TAT: variants seen among roughly 807,000 people sequenced by gnomAD.
The protein encoded by TAT is L-tyrosine:2-oxoglutarate aminotransferase.
Under a neutral mutation model 53.6 loss-of-function variants are expected in TAT, and 35 were observed. The ratio of observed to expected loss-of-function variants is 0.65; its 90% CI spans 0.50 to 0.87. The LOEUF is 0.87. TAT is among the 40% of genes least tolerant of loss of function. The pLI, the probability that TAT is intolerant of heterozygous loss-of-function variation, is 0.00. For missense variants in TAT, 525 were observed against 571.8 expected (o/e 0.92, Z 0.83); for synonymous variants, 197 against 206.5 (o/e 0.95, Z 0.39).
Position 71,572,196 on chromosome 16 carries a change from C to A in TAT, c.696G>T (p.Lys232Asn). ...GSVFSKRHLQ[K>N]ILAVAARQCV... ...GTCTGCTGGACGTACCTGCCAGAAT[C>A]TTCTGAAGATGACGTTTGCTGAACA... Residue 232 changes from lysine to asparagine, a missense_variant, in exon 6 of 12, where the codon AAG (lysine) becomes AAT (asparagine). Lys to Asn is a moderately conservative substitution (Grantham distance 94). Transcript: ENST00000355962. 2 of 1,614,180 alleles carry A rather than the reference C, an allele frequency of 1.2e-6. No individual in the cohort carries two copies. Among genetic ancestry groups the A allele is most frequent in the Non-Finnish European group, 1.7e-6 (2 of 1,180,006 alleles).
rs1567589696 is a variant in TAT at position 71,567,766 on chromosome 16, TG to T, written c.*377del. On this transcript the variant is annotated 3_prime_UTR_variant, in exon 12 of 12. Coordinates refer to ENST00000355962, the MANE Select transcript of TAT (RefSeq NM_000353.3). Reference sequence around the variant, plus strand: ...CTTTCTTAGAGTCTGAGGAAATGGTTGGGGGCACAAATTCTCTCAATCTTTT... The same window carrying T: ...CTTTCTTAGAGTCTGAGGAAATGGTTGGGGCACAAATTCTCTCAATCTTTT... The T allele has an allele frequency of 6.4e-6, 2 of 314,920 alleles. No individual in the cohort carries two copies. The highest frequency in any genetic ancestry group is 1.2e-5 in the Non-Finnish European group (2 of 162,510). The allele number at this position is 314,920 out of a possible 1,614,324, so 19.5% of individuals were successfully genotyped here.
In TAT at chr16:71,572,130, C is replaced by CA; in HGVS notation, c.706+55dup. ...AATGACTGGTTTTTGTCATTTCACA[C>CA]AACAGCTGAAGGATTCTGTCCCCAC... On this transcript the variant is annotated intron_variant, in intron 6 of 11. Coordinates refer to ENST00000355962, the MANE Select transcript of TAT (RefSeq NM_000353.3). 9.9e-6 allele frequency: 16 copies of CA among 1,612,776 alleles called. 1 individual carries two copies. The South Asian group carries it at 1.8e-4, about 18-fold the overall frequency.
At chr16:71,573,487 G>C in intron 4 of TAT, 52 bp downstream of exon 4, 1 of 1,476,272 alleles carries the variant, frequency 6.8e-7, no homozygotes, top group East Asian at 2.5e-5. Context: ...CAAGTAAAAA[G>C]GGATAGTTTG....
In TAT at chr16:71,569,864, A is replaced by G. The variant is rs2044188199; in HGVS notation, c.1115T>C (p.Met372Thr). ...GLRPVRPSGA[M>T]YLMVGIEMEH... ...CACCCACATACTCACCATGAGGTAC[A>G]TAGCCCCAGAAGGGCGGACTGGCCG... The change falls in exon 10 of 12, where the codon ATG (methionine) becomes ACG (threonine). Residue 372 changes from methionine to threonine, a missense_variant. Physicochemically the swap from Met to Thr is moderately conservative, Grantham distance 81. Transcript: ENST00000355962. 4 of 1,613,838 alleles carry G rather than the reference A, an allele frequency of 2.5e-6. No individual in the cohort carries two copies. Among genetic ancestry groups the G allele is most frequent in the Non-Finnish European group, 3.4e-6 (4 of 1,179,916 alleles).
rs778438405 is a variant in TAT, at chr16:71,570,750, G to A, written c.841C>T (p.Arg281Cys). Residue 281 changes from arginine to cysteine, a missense_variant, in exon 8 of 12, where the codon CGC (arginine) becomes TGC (cysteine). Transcript: ENST00000355962. The part of the protein sequence containing the change: ...PILSCGGLAK[R>C]WLVPGWRLGW... ...AACCTCCAGCCAGGAACCAGCCAGC[G>A]CTTGGCCAGCCCTCCACAGGACAGG... The A allele has an allele frequency of 3.3e-5, 53 of 1,614,092 alleles. No individual in the cohort carries two copies. The highest frequency in any genetic ancestry group is 2.4e-4 in the East Asian group (11 of 44,900).
Position 71,576,402 on chromosome 16 carries a change from A to T in TAT, c.14T>A (p.Met5Lys). Residue 5 changes from methionine to lysine, a missense_variant, in exon 2 of 12, where the codon ATG (methionine) becomes AAG (lysine). By Grantham distance (95) the Met-to-Lys change is moderately conservative. Coordinates refer to ENST00000355962, the MANE Select transcript of TAT (RefSeq NM_000353.3). ...GTTGCCTTTGCTGCTCATCTGAATC[A>T]TGTATGGGTCCATCACTAGCGAAGC... MDPY[M>K]IQMSSKGNLP... The T allele has an allele frequency of 1.9e-6, 3 of 1,614,168 alleles. No individual in the cohort carries two copies. Among genetic ancestry groups the T allele is most frequent in the Non-Finnish European group, 2.5e-6 (3 of 1,180,028 alleles).
In TAT at chr16:71,575,965, A is replaced by T; in HGVS notation, c.297T>A (p.Asp99Glu). Residue 99 changes from aspartate (D) to glutamate (E), a missense_variant, in exon 3 of 12, where the codon GAT becomes GAA. By Grantham distance (45) the Asp-to-Glu change is conservative. Coordinates refer to ENST00000355962, the MANE Select transcript of TAT (RefSeq NM_000353.3). Reference protein sequence around the residue: ...TDPEVTQAMKDALDSGKYNGY... With the variant: ...TDPEVTQAMKEALDSGKYNGY... ...CATTATATTTGCCCGAGTCCAGGGC[A>T]TCTTTCATTGCCTGGGTAACTTCAG... 6.2e-7 allele frequency: 1 copy of T among 1,614,200 alleles called. No individual in the cohort carries two copies.
At chr16:71,573,185 A>C (rs1422261384) in intron 4 of TAT, among the ~76,000 whole-genome samples, 1 of 152,190 alleles carries the variant, frequency 6.6e-6, no homozygotes, top group African/African-American at 2.4e-5. Flanking sequence ...ATTTTTTTTA[A>C]AAAAGAAAGA....
In TAT at chr16:71,573,596, G is replaced by A. The variant is rs977686877; in HGVS notation, c.351C>T (p.Ser117=). The change falls in exon 4 of 12, where the codon TCC becomes TCT. Residue 117 remains serine (S), a synonymous_variant. Coordinates refer to ENST00000355962, the MANE Select transcript of TAT (RefSeq NM_000353.3). ...NGYAPSIGFL[S]SREEIASYYH... ...AATAAGAAGCAATCTCCTCCCGACT[G>A]GATAGGAAGCCTGAAAGAAAAGAGT... 5 of 1,553,704 alleles carry A rather than the reference G, an allele frequency of 3.2e-6. No homozygotes were observed. Among genetic ancestry groups the A allele is most frequent in the Non-Finnish European group, 4.4e-6 (5 of 1,148,012 alleles).
chr16:71,568,092 C>G lies in TAT; in HGVS notation c.*52G>C. Reference sequence around the variant, plus strand: ...CTGAGTCCCTGAGGAGCCGCAAGGCCTAGTCCAGCCTTCCCTAGATGGGAC... The same window carrying G: ...CTGAGTCCCTGAGGAGCCGCAAGGCGTAGTCCAGCCTTCCCTAGATGGGAC... On this transcript the variant is annotated 3_prime_UTR_variant, in exon 12 of 12. Transcript: ENST00000355962. 1.2e-6 allele frequency: 2 copies of G among 1,612,588 alleles called. No homozygotes were observed. Among genetic ancestry groups the G allele is most frequent in the Non-Finnish European group, 1.7e-6 (2 of 1,178,770 alleles).
Position 71,575,982 on chromosome 16 carries a change from T to C in TAT, c.280A>G (p.Thr94Ala). Reference sequence around the variant, plus strand: ...TCCAGGGCATCTTTCATTGCCTGGGTAACTTCAGGGTCTGTAGGCAGGTTT... The same window carrying C: ...TCCAGGGCATCTTTCATTGCCTGGGCAACTTCAGGGTCTGTAGGCAGGTTT... Reference protein sequence around the residue: ...FGNLPTDPEVTQAMKDALDSG... With the variant: ...FGNLPTDPEVAQAMKDALDSG... Residue 94 changes from threonine to alanine, a missense_variant, in exon 3 of 12, where the codon ACC (threonine) becomes GCC (alanine). By Grantham distance (58) the Thr-to-Ala change is moderately conservative. Coordinates refer to ENST00000355962, the MANE Select transcript of TAT (RefSeq NM_000353.3). 6.2e-7 allele frequency: 1 copy of C among 1,614,186 alleles called. No homozygotes were observed. Among genetic ancestry groups the C allele is most frequent in the Non-Finnish European group, 8.5e-7 (1 of 1,180,042 alleles).
rs1368382321 is a variant in TAT, at chr16:71,566,632, G to T, written c.*1512C>A. 6.6e-6 allele frequency: 1 copy of T among 152,096 alleles called. No homozygotes were observed. Among genetic ancestry groups the T allele is most frequent in the Non-Finnish European group, 1.5e-5 (1 of 68,030 alleles). 9.4% of individuals were successfully genotyped at this position (152,096 alleles called of 1,614,324 possible). ...GAAAGTTGAAAATGTAAAGACAAAGGCCAGAGGTTATAACTTACTGCCTCT... is the reference window on the plus strand; with the variant it reads ...GAAAGTTGAAAATGTAAAGACAAAGTCCAGAGGTTATAACTTACTGCCTCT... On this transcript the variant is annotated 3_prime_UTR_variant, in exon 12 of 12. Coordinates refer to ENST00000355962, the MANE Select transcript of TAT (RefSeq NM_000353.3).
intron 3 of TAT, among the ~76,000 whole-genome samples, chr16:71,574,581 CAAA>C (rs71389677): frequency 2.5e-5 from 2 of 79,806 alleles, no homozygotes; most frequent in East Asian, 5.0e-4. Flanking sequence ...AACTTCGTCT[CAAA>C]AAAAAAAAAA....
At chr16:71,573,947 G>T (rs1363981095) in intron 3 of TAT, among the ~76,000 whole-genome samples, 1 of 152,068 alleles carries the variant, frequency 6.6e-6, no homozygotes, top group Non-Finnish European at 1.5e-5. Context: ...TCCTGAAAGT[G>T]CTGGGATTAC....
At position 71,572,197 on chromosome 16, in the gene TAT, T is replaced by C. The variant is rs1053984003; in HGVS notation, c.695A>G (p.Lys232Arg). Reference sequence around the variant, plus strand: ...TCTGCTGGACGTACCTGCCAGAATCTTCTGAAGATGACGTTTGCTGAACAC... The same window carrying C: ...TCTGCTGGACGTACCTGCCAGAATCCTCTGAAGATGACGTTTGCTGAACAC... Reference protein sequence around the residue: ...GSVFSKRHLQKILAVAARQCV... With the variant: ...GSVFSKRHLQRILAVAARQCV... The change falls in exon 6 of 12, where the codon AAG becomes AGG. Residue 232 changes from lysine (K) to arginine (R), a missense_variant. By Grantham distance (26) the Lys-to-Arg change is conservative (BLOSUM62 2). Transcript: ENST00000355962. 6.2e-7 allele frequency: 1 copy of C among 1,614,062 alleles called. No individual in the cohort carries two copies. Among genetic ancestry groups the C allele is most frequent in the African/African-American group, 1.3e-5 (1 of 74,922 alleles).
chr16:71,574,604 A>G (rs898792063), intron 3 of TAT, among the ~76,000 whole-genome samples: 2 of 148,162 alleles, frequency 1.3e-5, no homozygotes, highest in Non-Finnish European at 3.0e-5. Context: ...AAAAAAAAAA[A>G]AAGAAGTTGT....
At position 71,569,801 on chromosome 16, in the gene TAT, G is replaced by T. The variant is rs1223605728; in HGVS notation, c.1125+53C>A. ...CCTGTGGCAATTCTGCTGAATGACTGCCCTTTGCCTTACAACATGCATTGA... is the reference window on the plus strand; with the variant it reads ...CCTGTGGCAATTCTGCTGAATGACTTCCCTTTGCCTTACAACATGCATTGA... On this transcript the variant is annotated intron_variant, in intron 10 of 11. Coordinates refer to ENST00000355962, the MANE Select transcript of TAT (RefSeq NM_000353.3). 11 of 1,540,078 alleles carry T rather than the reference G, an allele frequency of 7.1e-6. No homozygotes were observed. In the African/African-American group the frequency reaches 1.2e-4, roughly 17 times the overall value.
At chr16:71,569,337 C>CTTTT (rs111800199) in intron 10 of TAT, among the ~76,000 whole-genome samples, 2 of 147,860 alleles carry the variant, frequency 1.4e-5, no homozygotes, top group African/African-American at 2.5e-5. Flanking sequence ...AAAATTAAAT[C>CTTTT]TTTTTTTTTT....
chr16:71,575,764 C>G (rs1597055637), intron 3 of TAT, 158 bp downstream of exon 3: 1 of 808,842 alleles, frequency 1.2e-6, no homozygotes, highest in Non-Finnish European at 2.1e-6. Context: ...TTAAGCATCC[C>G]GAGACCCGGT....
Sources: gnomAD v4.1 joint callset for allele counts (sites outside exome capture counted in the v4.1 genomes callset) on GRCh38, gnomAD v4.1.1 for gene constraint, MANE v1.5 for transcripts, NCBI Gene and HGNC (gene_info 2026-07-23, HGNC 2026-07-21) for gene names.